RASSF3: variants seen among roughly 807,000 people sequenced by gnomAD.
RASSF3 encodes Ras association domain family member 3.
A neutral mutation model predicts 19.9 loss-of-function variants in RASSF3; 19 were observed. The observed-to-expected ratio is 0.96, with a 90% CI of 0.67 to 1.40. The LOEUF (loss-of-function observed/expected upper bound fraction) is 1.40, where lower values mean the gene tolerates loss of function less well. RASSF3 is among the 40% of genes most tolerant of loss of function. The pLI is 0.00. For synonymous variants in RASSF3, 110 were observed against 104.2 expected (o/e 1.06, Z -0.34); for missense variants, 306 against 289.8 (o/e 1.06, Z -0.41).
chr12:64,535,558 G>T (rs2136112034), intron 1 of RASSF3, among the ~76,000 whole-genome samples: 1 of 152,130 alleles, frequency 6.6e-6, no homozygotes, highest in East Asian at 1.9e-4. Flanking sequence ...TAGAGACAGG[G>T]TCCCTCCATG....
chr12:64,620,148 T>A (rs1592424065), intron 1 of RASSF3, among the ~76,000 whole-genome samples: 2 of 151,784 alleles, frequency 1.3e-5, no homozygotes, highest in East Asian at 3.9e-4. Flanking sequence ...ATGGGGGGCG[T>A]ATATAGGTTC....
chr12:64,599,474 A>T (rs1870051717), intron 2 of RASSF3, among the ~76,000 whole-genome samples: 1 of 152,218 alleles, frequency 6.6e-6, no homozygotes, highest in Admixed American at 6.5e-5. Flanking sequence ...TCTCTGTCAC[A>T]CAAAGACACT....
chr12:64,638,424 C>G (rs561139126), intron 1 of RASSF3, among the ~76,000 whole-genome samples: 1 of 152,006 alleles, frequency 6.6e-6, no homozygotes, highest in South Asian at 2.1e-4. Context: ...ACTAAAAATA[C>G]AAACAATTAG....
chr12:64,574,702 A>C (rs752722479), intron 2 of RASSF3, among the ~76,000 whole-genome samples: 10 of 152,198 alleles, frequency 6.6e-5, no homozygotes, highest in Non-Finnish European at 1.0e-4. Flanking sequence ...AATGCGTAGA[A>C]CATGAGTTCT....
rs146529853 is a variant in RASSF3, at chr12:64,535,282, C to T, written c.67+1948C>T. On this transcript the variant is annotated intron_variant, in intron 1 of 1. Transcript: ENST00000636333. Reference sequence around the variant, plus strand: ...TCAGGGCTGCAATCATGCCACTGCACTCCAGCTTAGTTGATGGAGTGAGAC... The same window carrying T: ...TCAGGGCTGCAATCATGCCACTGCATTCCAGCTTAGTTGATGGAGTGAGAC... Among the ~76,000 whole-genome samples, 711 of 151,900 alleles carry T rather than the reference C, an allele frequency of 4.7e-3. 4 individuals are homozygous for T. Among genetic ancestry groups the T allele is most frequent in the Non-Finnish European group, 7.8e-3 (533 of 67,956 alleles).
At chr12:64,691,322 G>T (rs1484761673) in intron 3 of RASSF3, 148 bp from the exon 4 acceptor site, 3 of 634,306 alleles carry the variant, frequency 4.7e-6, no homozygotes, top group Admixed American at 5.0e-5. Context: ...TGGGCTACTG[G>T]TATTAAATAA....
At chr12:64,678,194 T>TA in intron 1 of RASSF3, among the ~76,000 whole-genome samples, 1 of 152,356 alleles carries the variant, frequency 6.6e-6, no homozygotes, top group Middle Eastern at 3.4e-3. Context: ...TGTGATGTTT[T>TA]ACATGTGAAA....
intron 1 of RASSF3, among the ~76,000 whole-genome samples, chr12:64,672,722 G>A (rs2136208244): frequency 6.6e-6 from 1 of 152,204 alleles, no homozygotes; most frequent in African/African-American, 2.4e-5. Context: ...TTGCTGTGTT[G>A]CCCAAGCTGA....
chr12:64,615,834 T>C (rs1308192703), intron 1 of RASSF3, among the ~76,000 whole-genome samples: 2 of 151,940 alleles, frequency 1.3e-5, no homozygotes, highest in Non-Finnish European at 2.9e-5. Context: ...CCACAGTGCC[T>C]GGCTAATTTT....
chr12:64,535,608 C>T (rs1159548445), intron 1 of RASSF3, among the ~76,000 whole-genome samples: 2 of 152,116 alleles, frequency 1.3e-5, no homozygotes, highest in African/African-American at 4.8e-5. Flanking sequence ...TCAAGCAATC[C>T]TCTCACCTTG....
Position 64,620,421 on chromosome 12 carries a change from C to T in RASSF3, c.111+9678C>T, listed in dbSNP as rs184956365. On this transcript the variant is annotated intron_variant, in intron 1 of 4. Coordinates refer to ENST00000542104, the MANE Select transcript of RASSF3 (RefSeq NM_178169.4). ...TGTGAACAGGGGTGTACAAATATCT[C>T]TTAAAGACCCCTCTTAAAACTTTTT... Among the ~76,000 whole-genome samples the T allele has an allele frequency of 3.3e-3, 500 of 152,248 alleles. 6 individuals are homozygous for T. The highest frequency in any genetic ancestry group is 3.2e-3 in the Non-Finnish European group (221 of 68,014).
Position 64,688,239 on chromosome 12 carries a change from C to A in RASSF3, c.243C>A (p.Gly81=). The A allele has an allele frequency of 6.2e-7, 1 of 1,613,926 alleles. No individual in the cohort carries two copies. ...MTLNSNGIYT[G]FIKVQMELCK... is the part of the protein sequence containing the mutation. ...AGAATTCAAATGGGATTTACACTGG[C>A]TTCATTAAAGTACAGATGGAACTCT... is the stretch of plus-strand genomic sequence containing the variant. Residue 81 remains glycine (G), a synonymous_variant, in exon 3 of 5, where the codon GGC becomes GGA. Transcript: ENST00000542104.
chr12:64,632,702 C>G (rs568713718), intron 1 of RASSF3, among the ~76,000 whole-genome samples: 1 of 152,162 alleles, frequency 6.6e-6, no homozygotes, highest in South Asian at 2.1e-4. Flanking sequence ...AGGGGAACAA[C>G]TCGGTTTTAG....
chr12:64,628,259 A>C (rs1871058065), intron 1 of RASSF3: 1 of 152,162 alleles, frequency 6.6e-6, no homozygotes, highest in Non-Finnish European at 1.5e-5. Context: ...ATTGTTCTGA[A>C]CTTGTATATA....
chr12:64,695,940 CTG>C lies in RASSF3; in HGVS notation c.*1030_*1031del, dbSNP rs1868350398. 2 of 152,202 alleles carry C rather than the reference CTG, an allele frequency of 1.3e-5. No homozygotes were observed. Among genetic ancestry groups the C allele is most frequent in the African/African-American group, 4.8e-5 (2 of 41,438 alleles). The allele number at this position is 152,202 out of a possible 1,614,324, so 9.4% of individuals were successfully genotyped here. A position where few individuals can be genotyped will look rare whatever the true frequency, so the allele number is the denominator to read the frequency against. On this transcript the variant is annotated 3_prime_UTR_variant, in exon 5 of 5. Transcript: ENST00000542104. ...TGAGACGGAATTTGGGTAGGGGCAG[CTG>C]TTTTTCCCTTGATTGTTAGCTAGGA...
chr12:64,597,167 C>T (rs1870011128), intron 2 of RASSF3, among the ~76,000 whole-genome samples: 2 of 151,360 alleles, frequency 1.3e-5, no homozygotes, highest in South Asian at 2.1e-4. Flanking sequence ...GAGCCTTGCT[C>T]TGTTGCCCAG....
chr12:64,652,850 G>T (rs1009432271), intron 1 of RASSF3, among the ~76,000 whole-genome samples: 2 of 152,116 alleles, frequency 1.3e-5, no homozygotes, highest in African/African-American at 4.8e-5. Flanking sequence ...GTGTTAGTTT[G>T]CCTTGACAAA....
intron 1 of RASSF3, among the ~76,000 whole-genome samples, chr12:64,523,363 G>A (rs1010782393): frequency 1.3e-5 from 2 of 152,016 alleles, no homozygotes; most frequent in African/African-American, 2.4e-5. Context: ...CCAAGATCAC[G>A]CCACTGCACT....
In RASSF3 at chr12:64,683,610, C is replaced by T. The variant is rs371578963; in HGVS notation, c.112-1177C>T. On this transcript the variant is annotated intron_variant, in intron 1 of 4. Coordinates refer to ENST00000542104, the MANE Select transcript of RASSF3 (RefSeq NM_178169.4). ...TACAGGTCAGTGATTAGTATGAGTC[C>T]GTGAATAGTGCCAGTTAATACTGAT... Among the ~76,000 whole-genome samples, 57 of 152,100 alleles carry T rather than the reference C, an allele frequency of 3.7e-4. 1 individual carries two copies. The highest frequency in any genetic ancestry group is 9.9e-4 in the African/African-American group (41 of 41,478).
Sources: allele counts gnomAD v4.1 joint callset (sites outside exome capture counted in the v4.1 genomes callset), GRCh38; gene constraint gnomAD v4.1.1; transcripts MANE v1.5; gene names NCBI Gene and HGNC (gene_info 2026-07-23, HGNC 2026-07-21).